The following EPHA5 variants were observed in gnomAD, a reference collection of about 807,000 sequenced individuals.
The protein encoded by EPHA5 is EPH receptor A5.
A neutral mutation model predicts 105.0 loss-of-function variants in EPHA5; 60 were observed. The ratio of observed to expected loss-of-function variants is 0.57; its 90% CI spans 0.46 to 0.71. The LOEUF is 0.71. Ranked by LOEUF, EPHA5 falls within the 30% of genes least tolerant of loss-of-function variation. The pLI is 0.00. For synonymous variants in EPHA5, 513 were observed against 449.1 expected, an observed-to-expected ratio of 1.14 and a Z score of -1.80; for missense variants, 1,218 against 1,274.7, an observed-to-expected ratio of 0.96 and a Z score of 0.68.
intron 3 of EPHA5, among the ~76,000 whole-genome samples, chr4:65,557,721 A>G (rs1390939858): frequency 6.6e-6 from 1 of 152,088 alleles, no homozygotes; most frequent in Non-Finnish European, 1.5e-5. Context: ...ATGCAGCAAG[A>G]TTCTGGCAAC....
intron 11 of EPHA5, among the ~76,000 whole-genome samples, chr4:65,359,206 G>A (rs1003811991): frequency 4.6e-5 from 7 of 151,394 alleles, no homozygotes; most frequent in East Asian, 1.9e-4. Context: ...TTTAGTGTAC[G>A]TGTATTTATT....
At chr4:65,577,207 C>A (rs966156761) in intron 3 of EPHA5, among the ~76,000 whole-genome samples, 5 of 152,062 alleles carry the variant, frequency 3.3e-5, no homozygotes, top group African/African-American at 1.2e-4. Context: ...TTATTGATTT[C>A]TTTACGGGTG....
chr4:65,491,575 G>A (rs1731404655), intron 4 of EPHA5, among the ~76,000 whole-genome samples: 1 of 151,946 alleles, frequency 6.6e-6, no homozygotes, highest in South Asian at 2.1e-4. Flanking sequence ...ATAGCTTTCA[G>A]GAGTGAAACT....
chr4:65,389,319 A>G (rs965188626), intron 8 of EPHA5, among the ~76,000 whole-genome samples: 1 of 152,074 alleles, frequency 6.6e-6, no homozygotes, highest in Non-Finnish European at 1.5e-5. Context: ...AAATTCCAGT[A>G]TATCTAGGAA....
At chr4:65,440,499 T>TACACACAC (rs71657410) in intron 5 of EPHA5, among the ~76,000 whole-genome samples, 30,007 of 143,214 alleles carry the variant, frequency 0.21, 3,758 homozygotes, top group East Asian at 0.33. Context: ...TCCTAAATCT[T>TACACACAC]ACACACACAC....
At chr4:65,386,706 T>G (rs1318744932) in intron 8 of EPHA5, among the ~76,000 whole-genome samples, 3 of 151,606 alleles carry the variant, frequency 2.0e-5, no homozygotes, top group Non-Finnish European at 4.4e-5. Context: ...TTATGTTAAG[T>G]AAAAAAAACA....
rs1313231153 is a variant in EPHA5 at position 65,340,010 on chromosome 4, G to A, written c.2596-3885C>T. The stretch of plus-strand genomic sequence containing the variant: ...TTCAAGAACTTTTGTACTTCATGAA[G>A]TGCTGATAAATTTGTAACAACTCAC... On this transcript the variant is annotated intron_variant, in intron 14 of 16. Coordinates refer to ENST00000613740, the MANE Select transcript of EPHA5 (RefSeq NM_001281766.3). Among the ~76,000 whole-genome samples, 3 of 152,186 alleles carry A rather than the reference G, an allele frequency of 2.0e-5. No individual in the cohort carries two copies. In the East Asian group the frequency reaches 5.8e-4, roughly 29 times the overall value.
intron 7 of EPHA5, among the ~76,000 whole-genome samples, chr4:65,412,505 TA>T (rs1333853251): frequency 5.9e-5 from 9 of 152,256 alleles, no homozygotes; most frequent in African/African-American, 2.2e-4. Context: ...ATTCATTCTT[TA>T]AAAAGTTTTT....
chr4:65,503,245 C>T lies in EPHA5; in HGVS notation c.911-7702G>A, dbSNP rs1578270721. Among the ~76,000 whole-genome samples the T allele has an allele frequency of 2.0e-5, 3 of 151,854 alleles. No homozygotes were observed. In the South Asian group the frequency reaches 6.2e-4, roughly 31 times the overall value. ...CGTAATATATCCGTGTACCAACAAA[C>T]CTGTACATGTAACCCCTGAATCTAA... is the stretch of plus-strand genomic sequence containing the variant. On this transcript the variant is annotated intron_variant, in intron 3 of 16. Coordinates refer to ENST00000613740, the MANE Select transcript of EPHA5 (RefSeq NM_001281766.3).
intron 11 of EPHA5, among the ~76,000 whole-genome samples, chr4:65,354,469 A>G (rs1723114204): frequency 6.6e-6 from 1 of 151,790 alleles, no homozygotes; most frequent in African/African-American, 2.4e-5. Flanking sequence ...ATAGAAACAT[A>G]TGACATAAAA....
chr4:65,616,509 G>C (rs1244718327), intron 2 of EPHA5, among the ~76,000 whole-genome samples: 1 of 151,076 alleles, frequency 6.6e-6, no homozygotes, highest in Non-Finnish European at 1.5e-5. Flanking sequence ...AGATATACAG[G>C]ATGAAAGGTC....
At chr4:65,555,132 A>G (rs1217139400) in intron 3 of EPHA5, among the ~76,000 whole-genome samples, 1 of 150,688 alleles carries the variant, frequency 6.6e-6, no homozygotes, top group Admixed American at 6.7e-5. Flanking sequence ...CTCTTTTTTT[A>G]GTGGCATTCT....
In EPHA5 at chr4:65,620,129, T is replaced by TA. The variant is rs10676877; in HGVS notation, c.247-17826_247-17825insT. 1.2e-3 allele frequency among the ~76,000 whole-genome samples: 170 copies of TA among 145,366 alleles called. 5 individuals are homozygous for TA. In the South Asian group the frequency reaches 0.017, roughly 15 times the overall value. On this transcript the variant is annotated intron_variant, in intron 2 of 16. Coordinates refer to ENST00000613740, the MANE Select transcript of EPHA5 (RefSeq NM_001281766.3). ...TCAGGTATATATATATATATATATA[T>TA]TAAATATATGATAGTAATAACTGTT... is the stretch of plus-strand genomic sequence containing the variant.
At chr4:65,343,630 G>C (rs1027541997) in intron 14 of EPHA5, among the ~76,000 whole-genome samples, 1 of 152,094 alleles carries the variant, frequency 6.6e-6, no homozygotes, top group Non-Finnish European at 1.5e-5. Context: ...TAGTTGATTT[G>C]TCATGTTTCT....
chr4:65,333,244 GAAAAAGGACACAAATACC>G (rs1374432776), intron 15 of EPHA5, among the ~76,000 whole-genome samples: 1 of 151,498 alleles, frequency 6.6e-6, no homozygotes, highest in Non-Finnish European at 1.5e-5. Context: ...GCAACTATAA[GAAAAAGGACACAAATACC>G]TTTCTCTCTA....
intron 3 of EPHA5, among the ~76,000 whole-genome samples, chr4:65,579,846 C>A (rs1741444158): frequency 6.6e-6 from 1 of 151,892 alleles, no homozygotes; most frequent in Non-Finnish European, 1.5e-5. Context: ...ACATACACAT[C>A]TATAAGTGCT....
intron 2 of EPHA5, among the ~76,000 whole-genome samples, chr4:65,636,506 C>T (rs538589795): frequency 6.6e-6 from 1 of 151,666 alleles, no homozygotes; most frequent in Non-Finnish European, 1.5e-5. Context: ...GTCACTTACC[C>T]ATACTGAATC....
intron 4 of EPHA5, among the ~76,000 whole-genome samples, chr4:65,492,538 C>CAAAAAAAAAAAAAAAAAAAAA (rs10543479): frequency 1.2e-5 from 1 of 84,944 alleles, no homozygotes. Context: ...GACATCTTTG[C>CAAAAAAAAAAAAAAAAAAAAA]AAAAAAAAAA....
Position 65,326,833 on chromosome 4 carries a change from G to A in EPHA5, c.2946-2614C>T, listed in dbSNP as rs1011167567. Among the ~76,000 whole-genome samples, 6 of 151,018 alleles carry A rather than the reference G, an allele frequency of 4.0e-5. No individual in the cohort carries two copies. The Admixed American group carries it at 4.0e-4, about 10-fold the overall frequency. On this transcript the variant is annotated intron_variant, in intron 16 of 16. Transcript: ENST00000613740. ...TCATGATTGCTATGTGAATTATTAGGAATTATTAGGAATGAGCCTTTGAAA... is the reference window on the plus strand; with the variant it reads ...TCATGATTGCTATGTGAATTATTAGAAATTATTAGGAATGAGCCTTTGAAA...
Sources: allele counts gnomAD v4.1 joint callset (sites outside exome capture counted in the v4.1 genomes callset), GRCh38; gene constraint gnomAD v4.1.1; transcripts MANE v1.5; gene names NCBI Gene and HGNC (gene_info 2026-07-23, HGNC 2026-07-21).